Variants in ESR1 observed in about 807,000 individuals in gnomAD.
ESR1 encodes the protein estrogen receptor 1.
In ESR1, 12 loss-of-function variants were observed where a neutral mutation model predicts 52.7. The observed-to-expected ratio is 0.23, with a 90% CI of 0.15 to 0.37. ESR1 has a LOEUF of 0.37. ESR1 is among the 10% of genes least tolerant of loss of function. ESR1 has a pLI of 1.00. For synonymous variants in ESR1, 305 were observed against 316.8 expected (o/e 0.96, Z 0.39); for missense variants, 584 against 779.7 (o/e 0.75, Z 2.99).
In ESR1 at chr6:152,061,275, A is replaced by G. The variant is rs1037981635; in HGVS notation, c.1369+151A>G. ...TTAAAATAACCTACCAACATTGCAG[A>G]TTCCTTATAAAGGTAGAACCATGCT... On this transcript the variant is annotated intron_variant, in intron 6 of 7. Transcript: ENST00000206249. The surrounding 1 kb of genome is among the most constrained non-coding windows in gnomAD (Gnocchi z 4.3). 1.3e-6 allele frequency: 1 copy of G among 798,122 alleles called. No homozygotes were observed. The highest frequency in any genetic ancestry group is 2.1e-6 in the Non-Finnish European group (1 of 477,936). 49.4% of individuals were successfully genotyped at this position (798,122 alleles called of 1,614,324 possible).
chr6:151,999,761 C>T (rs1350036598), intron 4 of ESR1, among the ~76,000 whole-genome samples: 1 of 152,088 alleles, frequency 6.6e-6, no homozygotes, highest in Admixed American at 6.6e-5. Context: ...CTTATCCTAT[C>T]AGGGGCTCTT....
intron 2 of ESR1, among the ~76,000 whole-genome samples, chr6:151,762,753 C>T (rs545352603): frequency 1.1e-3 from 170 of 152,208 alleles, no homozygotes; most frequent in African/African-American, 3.9e-3. Flanking sequence ...CACTTGAGGT[C>T]AGGGGTTCAA....
chr6:151,963,563 A>G (rs372320974), intron 4 of ESR1, among the ~76,000 whole-genome samples: 14 of 152,264 alleles, frequency 9.2e-5, no homozygotes, highest in African/African-American at 3.1e-4. Flanking sequence ...TGAATTCCTT[A>G]TGTATTTTGA....
At chr6:152,065,915 G>C (rs1332467521) in intron 6 of ESR1, among the ~76,000 whole-genome samples, 3 of 152,294 alleles carry the variant, frequency 2.0e-5, no homozygotes, top group South Asian at 4.1e-4. Flanking sequence ...AAAATTCATA[G>C]ACATTTAAAT....
intron 7 of ESR1, among the ~76,000 whole-genome samples, chr6:152,095,633 G>C (rs143092707): frequency 1.3e-5 from 2 of 152,306 alleles, no homozygotes; most frequent in Non-Finnish European, 2.9e-5. Flanking sequence ...GGGGTGTCCA[G>C]AGTCAAAGAG....
intron 2 of ESR1, among the ~76,000 whole-genome samples, chr6:151,734,960 T>A (rs1253240812): frequency 2.0e-5 from 3 of 152,134 alleles, no homozygotes; most frequent in African/African-American, 7.2e-5. Flanking sequence ...AAAACTGAAA[T>A]GAAGACTAGA....
intron 5 of ESR1, among the ~76,000 whole-genome samples, chr6:152,021,193 C>A (rs1019848012): frequency 5.3e-5 from 8 of 152,038 alleles, no homozygotes; most frequent in African/African-American, 7.2e-5. Context: ...CAGCTGCCAG[C>A]GAATATAAGG....
intron 4 of ESR1, among the ~76,000 whole-genome samples, chr6:151,998,924 A>G (rs1029638643): frequency 6.6e-6 from 1 of 152,080 alleles, no homozygotes; most frequent in African/African-American, 2.4e-5. Context: ...CTAAGATGTC[A>G]TGGACAGAAC....
At chr6:152,001,195 G>T (rs1454623427) in intron 4 of ESR1, among the ~76,000 whole-genome samples, 1 of 151,934 alleles carries the variant, frequency 6.6e-6, no homozygotes, top group African/African-American at 2.4e-5. Flanking sequence ...CCTGAGACTG[G>T]GTAATGTACA....
chr6:151,694,736 G>A (rs1427457291), intron 1 of ESR1, among the ~76,000 whole-genome samples: 6 of 151,308 alleles, frequency 4.0e-5, no homozygotes, highest in Non-Finnish European at 8.8e-5. Flanking sequence ...GCAGTGAGCC[G>A]AGATTGTGCC....
intron 2 of ESR1, among the ~76,000 whole-genome samples, chr6:151,871,104 G>T (rs1210417904): frequency 6.6e-6 from 1 of 151,972 alleles, no homozygotes; most frequent in East Asian, 1.9e-4. Context: ...CCTCACCTCA[G>T]CCTCCCAAAG....
At chr6:152,022,772 G>A (rs565675653) in intron 5 of ESR1, among the ~76,000 whole-genome samples, 148 of 151,874 alleles carry the variant, frequency 9.7e-4, no homozygotes, top group African/African-American at 3.5e-3. Flanking sequence ...GGGAGTTCGA[G>A]ACCAACCTGA....
chr6:152,002,361 C>T (rs375964886), intron 4 of ESR1, among the ~76,000 whole-genome samples: 4 of 151,940 alleles, frequency 2.6e-5, no homozygotes, highest in African/African-American at 7.2e-5. Context: ...CTACTTCCCT[C>T]GTAGTTTTTG....
At chr6:152,057,938 G>A (rs1423657539) in intron 5 of ESR1, among the ~76,000 whole-genome samples, 1 of 152,098 alleles carries the variant, frequency 6.6e-6, no homozygotes, top group Non-Finnish European at 1.5e-5. Flanking sequence ...TATGGGAGAC[G>A]ATTGAAAAAG....
chr6:151,847,941 C>T (rs1785437727), intron 2 of ESR1, among the ~76,000 whole-genome samples: 1 of 150,342 alleles, frequency 6.7e-6, no homozygotes, highest in South Asian at 2.1e-4. Flanking sequence ...GGATCTAGAA[C>T]TAGAAATACC....
intron 5 of ESR1, among the ~76,000 whole-genome samples, chr6:152,034,527 A>T (rs2045098477): frequency 6.6e-6 from 1 of 151,616 alleles, no homozygotes. Flanking sequence ...TATGTTCTGA[A>T]TGTTTTTCCT....
At chr6:151,944,646 T>C in intron 4 of ESR1, 138 bp downstream of exon 4, 1 of 749,544 alleles carries the variant, frequency 1.3e-6, no homozygotes, top group East Asian at 2.7e-5. Context: ...GATGTGTTCA[T>C]TTTCAGTATC....
intron 1 of ESR1, among the ~76,000 whole-genome samples, chr6:151,825,155 A>C (rs1583491188): frequency 6.6e-6 from 1 of 152,214 alleles, no homozygotes; most frequent in East Asian, 1.9e-4. Context: ...TGTCTAGATA[A>C]ACATTAAAGA....
intron 2 of ESR1, among the ~76,000 whole-genome samples, chr6:151,732,488 C>T (rs1036510959): frequency 4.0e-5 from 6 of 151,358 alleles, no homozygotes; most frequent in Non-Finnish European, 5.9e-5. Flanking sequence ...AAAGGATTTA[C>T]GTGTCGGTAA....
Sources: gnomAD v4.1 joint callset for allele counts (sites outside exome capture counted in the v4.1 genomes callset) on GRCh38, gnomAD v4.1.1 for gene constraint, Gnocchi (gnomAD v3.1) non-coding constraint, MANE v1.5 for transcripts, NCBI Gene and HGNC (gene_info 2026-07-23, HGNC 2026-07-21) for gene names.